PPP2R1A: variants seen among roughly 807,000 people sequenced by gnomAD.
The protein encoded by PPP2R1A is protein phosphatase 2 scaffold subunit Aalpha.
PPP2R1A carries 15 observed loss-of-function variants against 67.1 expected under a neutral mutation model. The ratio of observed to expected loss-of-function variants is 0.22; its 90% CI spans 0.15 to 0.34. PPP2R1A has a LOEUF of 0.34. Among genes scored for constraint, PPP2R1A ranks in the 10% least tolerant of loss-of-function variants. The pLI, the probability that PPP2R1A is intolerant of heterozygous loss-of-function variation, is 1.00. For missense variants in PPP2R1A, 369 were observed against 775.0 expected, an observed-to-expected ratio of 0.48 and a Z score of 6.22; for synonymous variants, 337 against 325.0, an observed-to-expected ratio of 1.04 and a Z score of -0.40.
At chr19:52,221,946 G>A (rs913287306) in intron 12 of PPP2R1A, 153 bp from the exon 13 acceptor site, 8 of 675,260 alleles carry the variant, frequency 1.2e-5, no homozygotes, top group Middle Eastern at 4.1e-4. Context: ...GGTGTTAGTG[G>A]AGTTGGGAGA....
In PPP2R1A at chr19:52,213,457, GTTTTTTTTTTTTTTTTT is replaced by G. The variant is rs398035011; in HGVS notation, c.807+361_807+377del. Among the ~76,000 whole-genome samples, 2 of 71,740 alleles carry G rather than the reference GTTTTTTTTTTTTTTTTT, an allele frequency of 2.8e-5. No homozygotes were observed. Among genetic ancestry groups the G allele is most frequent in the Non-Finnish European group, 5.3e-5 (2 of 37,758 alleles). 47.1% of individuals were successfully genotyped at this position (71,740 alleles called of 152,430 possible). A position where few individuals can be genotyped will look rare whatever the true frequency, so the allele number is the denominator to read the frequency against. On this transcript the variant is annotated intron_variant, in intron 6 of 14. Coordinates refer to ENST00000322088, the MANE Select transcript of PPP2R1A (RefSeq NM_014225.6). This position sits in a 1 kb window ranked among gnomAD's most constrained non-coding sequence, Gnocchi z 4.2. Reference sequence around the variant, plus strand: ...GCCCAAAAAGGTGGGGTTTTTTGGTGTTTTTTTTTTTTTTTTTTTTTTTTTTTTTTAAGATGGAGTCT... The same window carrying G: ...GCCCAAAAAGGTGGGGTTTTTTGGTGTTTTTTTTTTTTTAAGATGGAGTCT...
intron 12 of PPP2R1A, among the ~76,000 whole-genome samples, chr19:52,221,612 C>G (rs766358428): frequency 8.5e-5 from 13 of 152,116 alleles, no homozygotes; most frequent in Non-Finnish European, 1.5e-4. Flanking sequence ...TAATCACAGC[C>G]TGGTGAGCGT....
chr19:52,202,926 T>C (rs907849104), intron 2 of PPP2R1A, among the ~76,000 whole-genome samples: 3 of 152,362 alleles, frequency 2.0e-5, no homozygotes, highest in East Asian at 3.9e-4. Flanking sequence ...CACTGCTGTT[T>C]GTGAGGATGT....
At position 52,226,128 on chromosome 19, in the gene PPP2R1A, C is replaced by T. The variant is rs779105435; in HGVS notation, c.*147C>T. The T allele has an allele frequency of 2.1e-5, 26 of 1,238,844 alleles. No homozygotes were observed. Among genetic ancestry groups the T allele is most frequent in the Non-Finnish European group, 2.9e-5 (25 of 873,562 alleles). The allele number at this position is 1,238,844 out of a possible 1,614,324, so 76.7% of individuals were successfully genotyped here. On this transcript the variant is annotated 3_prime_UTR_variant, in exon 15 of 15. Coordinates refer to ENST00000322088, the MANE Select transcript of PPP2R1A (RefSeq NM_014225.6). ...CCCTTCCCCCAGCACGGTTCCTCCT[C>T]TCCCCAGCCTGGGAAGATGTCTCAC...
chr19:52,206,321 G>A (rs2089601912), intron 3 of PPP2R1A, among the ~76,000 whole-genome samples: 2 of 152,204 alleles, frequency 1.3e-5, no homozygotes, highest in African/African-American at 2.4e-5. Context: ...ACATAGGGCT[G>A]TGGGTTTAGA....
intron 1 of PPP2R1A, among the ~76,000 whole-genome samples, chr19:52,199,434 G>T (rs1184923230): frequency 4.0e-5 from 6 of 151,834 alleles, no homozygotes; most frequent in Non-Finnish European, 5.9e-5. Context: ...CTCCCAAGGT[G>T]CTGGGATTAC....
chr19:52,190,250 T>C (rs1175249589), intron 1 of PPP2R1A, 76 bp downstream of exon 1: 18 of 1,489,948 alleles, frequency 1.2e-5, no homozygotes, highest in Non-Finnish European at 1.4e-5. Flanking sequence ...CGGAGAAGAC[T>C]CAGCGTTCGC....
chr19:52,214,570 A>G (rs1416915948), intron 6 of PPP2R1A, among the ~76,000 whole-genome samples: 1 of 152,168 alleles, frequency 6.6e-6, no homozygotes, highest in Non-Finnish European at 1.5e-5. Context: ...TATTTTCCCA[A>G]GATATCATGA....
At chr19:52,203,288 C>T (rs929466363) in intron 2 of PPP2R1A, among the ~76,000 whole-genome samples, 2 of 152,100 alleles carry the variant, frequency 1.3e-5, no homozygotes, top group African/African-American at 2.4e-5. Flanking sequence ...GGTGTCTGCT[C>T]GTATGACACT....
intron 2 of PPP2R1A, among the ~76,000 whole-genome samples, 194 bp downstream of exon 2, chr19:52,202,228 T>C (rs917686559): frequency 6.6e-6 from 1 of 152,196 alleles, no homozygotes; most frequent in Non-Finnish European, 1.5e-5. Flanking sequence ...TGGAGACAGA[T>C]GGTGAAAGGG....
Position 52,216,476 on chromosome 19 carries a change from TTGC to T in PPP2R1A, c.994-46_994-44del, listed in dbSNP as rs1171689563. On this transcript the variant is annotated intron_variant, in intron 8 of 14. Transcript: ENST00000322088. The surrounding 1 kb of genome is among the most constrained non-coding windows in gnomAD (Gnocchi z 4.3). ...TAGGAGTTGGCATCTGCTTAGCCAC[TTGC>T]TGCTGCAGGGGTTGCACTGACCCCT... The T allele has an allele frequency of 6.2e-7, 1 of 1,610,084 alleles. No individual in the cohort carries two copies. The highest frequency in any genetic ancestry group is 2.2e-5 in the East Asian group (1 of 44,850).
chr19:52,206,487 A>G (rs548232618), intron 3 of PPP2R1A, among the ~76,000 whole-genome samples: 10 of 152,306 alleles, frequency 6.6e-5, no homozygotes, highest in African/African-American at 2.4e-4. Flanking sequence ...CTTAGTAGGT[A>G]CTAACCGATG....
chr19:52,225,945 G>T lies in PPP2R1A; in HGVS notation c.1754-20G>T, dbSNP rs1261806868. ...AGAGAGGGCTCTGGTTCTGATTCTT[G>T]CCTGTTCCTGTTTTCCTAGTTCTGT... On this transcript the variant is annotated intron_variant, in intron 14 of 14. Transcript: ENST00000322088. 1 of 1,614,198 alleles carries T rather than the reference G, an allele frequency of 6.2e-7. No individual in the cohort carries two copies. Among genetic ancestry groups the T allele is most frequent in the Non-Finnish European group, 8.5e-7 (1 of 1,180,036 alleles).
intron 1 of PPP2R1A, among the ~76,000 whole-genome samples, chr19:52,200,074 GT>G (rs1201579720): frequency 6.6e-6 from 1 of 152,214 alleles, no homozygotes; most frequent in Non-Finnish European, 1.5e-5. Context: ...TTAGTCACTT[GT>G]AGACCTCGTC....
In PPP2R1A at chr19:52,219,575, C is replaced by T. The variant is rs1978791745; in HGVS notation, c.1129-116C>T. The T allele has an allele frequency of 1.9e-6, 2 of 1,079,546 alleles. No individual in the cohort carries two copies. The highest frequency in any genetic ancestry group is 5.4e-5 in the Admixed American group (2 of 36,932). 66.9% of individuals were successfully genotyped at this position (1,079,546 alleles called of 1,614,324 possible). ...CCCAGAACGGGGAGCTGGGCTTGGA[C>T]AGGAGTAGTCCCTCGGGAGATGTCC... On this transcript the variant is annotated intron_variant, in intron 9 of 14. Coordinates refer to ENST00000322088, the MANE Select transcript of PPP2R1A (RefSeq NM_014225.6). This position sits in a 1 kb window ranked among gnomAD's most constrained non-coding sequence, Gnocchi z 4.0.
intron 1 of PPP2R1A, among the ~76,000 whole-genome samples, chr19:52,198,036 G>A (rs909748658): frequency 6.6e-6 from 1 of 152,196 alleles, no homozygotes; most frequent in Non-Finnish European, 1.5e-5. Flanking sequence ...AGTGAGGCGT[G>A]GTTGCCACGG....
In PPP2R1A at chr19:52,225,856, G is replaced by A. The variant is rs1297748065; in HGVS notation, c.1753+48G>A. 4 of 1,611,144 alleles carry A rather than the reference G, an allele frequency of 2.5e-6. No individual in the cohort carries two copies. In the African/African-American group the frequency reaches 5.3e-5, roughly 22 times the overall value. ...CCCTAGCAGGAGGGTGGACTTTGAG[G>A]ACAGGCACTGGGCCTGTGGGCAGCA... On this transcript the variant is annotated intron_variant, in intron 14 of 14. Transcript: ENST00000322088.
chr19:52,193,899 C>T (rs1209660281), intron 1 of PPP2R1A, among the ~76,000 whole-genome samples: 1 of 151,216 alleles, frequency 6.6e-6, no homozygotes, highest in African/African-American at 2.4e-5. Flanking sequence ...ATCGCTTGAG[C>T]CCAGGAGTTT....
chr19:52,198,211 T>C lies in PPP2R1A; in HGVS notation c.79-3733T>C, dbSNP rs138446642. Among the ~76,000 whole-genome samples, 34 of 152,328 alleles carry C rather than the reference T, an allele frequency of 2.2e-4. 1 individual carries two copies. In the East Asian group the frequency reaches 4.6e-3, roughly 21 times the overall value. ...ATTGCCCAAGATTCCACAGCTAATA[T>C]GTAAGCAGTTTAGCCTTGAACCTGG... On this transcript the variant is annotated intron_variant, in intron 1 of 14. Coordinates refer to ENST00000322088, the MANE Select transcript of PPP2R1A (RefSeq NM_014225.6).
Sources: allele counts gnomAD v4.1 joint callset (sites outside exome capture counted in the v4.1 genomes callset), GRCh38; gene constraint gnomAD v4.1.1; non-coding constraint Gnocchi (gnomAD v3.1); transcripts MANE v1.5; gene names NCBI Gene and HGNC (gene_info 2026-07-23, HGNC 2026-07-21).